The following PCDHGB2 variants were observed in gnomAD, a reference collection of about 807,000 sequenced individuals.
The protein encoded by PCDHGB2 is protocadherin gamma-B2.
Under a neutral mutation model 59.3 loss-of-function variants are expected in PCDHGB2, and 55 were observed. The ratio of observed to expected loss-of-function variants is 0.93; its 90% CI spans 0.75 to 1.16. The LOEUF (loss-of-function observed/expected upper bound fraction) is 1.16. Ranked by LOEUF, PCDHGB2 falls within the 50% of genes most tolerant of loss-of-function variation. The pLI is 0.00. For synonymous variants in PCDHGB2, 516 were observed against 512.0 expected (o/e 1.01, Z -0.11); for missense variants, 1,228 against 1,198.5 (o/e 1.02, Z -0.36).
chr5:141,430,992 A>G (rs1223969128), intron 1 of PCDHGB2: 2 of 1,613,824 alleles, frequency 1.2e-6, no homozygotes, highest in Admixed American at 3.3e-5. Context: ...TTCGCCCTGA[A>G]TCCGCGCAGC....
chr5:141,443,183 TTCTC>T (rs2098370937), intron 1 of PCDHGB2, among the ~76,000 whole-genome samples: 1 of 152,184 alleles, frequency 6.6e-6, no homozygotes, highest in Non-Finnish European at 1.5e-5. Context: ...CACTGCATCA[TTCTC>T]TATAGTACAA....
At chr5:141,373,959 T>A (rs1045656006) in intron 1 of PCDHGB2, 78 of 924,258 alleles carry the variant, frequency 8.4e-5, no homozygotes, top group Admixed American at 1.4e-4. Context: ...AATTCTGACC[T>A]GAAACGCTTC....
intron 1 of PCDHGB2, among the ~76,000 whole-genome samples, chr5:141,380,254 G>T (rs572849105): frequency 6.6e-6 from 1 of 152,270 alleles, no homozygotes; most frequent in Non-Finnish European, 1.5e-5. Flanking sequence ...TGTCAAAGGG[G>T]AAGGAGTAAA....
chr5:141,407,947 G>C (rs910743144), intron 1 of PCDHGB2: 7 of 561,352 alleles, frequency 1.2e-5, no homozygotes, highest in South Asian at 3.4e-5. Context: ...CGCCGCTGTC[G>C]GCCAGTGCAG....
chr5:141,467,095 C>G (rs930625426), intron 1 of PCDHGB2, among the ~76,000 whole-genome samples: 2 of 150,094 alleles, frequency 1.3e-5, no homozygotes, highest in African/African-American at 4.9e-5. Context: ...CTCTGTCACA[C>G]AGGCTGGAGT....
At position 141,476,499 on chromosome 5, in the gene PCDHGB2, T is replaced by A. The variant is rs763373223; in HGVS notation, c.2422-18308T>A. On this transcript the variant is annotated intron_variant, in intron 1 of 3. Coordinates refer to ENST00000522605, the MANE Select transcript of PCDHGB2 (RefSeq NM_018923.3). This position sits in a 1 kb window ranked among gnomAD's most constrained non-coding sequence, Gnocchi z 7.6. Reference sequence around the variant, plus strand: ...AGCGTGGAAGTGGTGATCCAGGACATCAACGACAACAATCCTGCTTTCCCT... The same window carrying A: ...AGCGTGGAAGTGGTGATCCAGGACAACAACGACAACAATCCTGCTTTCCCT... 3.1e-6 allele frequency: 5 copies of A among 1,613,992 alleles called. No individual in the cohort carries two copies. The South Asian group carries it at 5.5e-5, about 18-fold the overall frequency.
chr5:141,508,723 G>A (rs941469412), intron 3 of PCDHGB2, among the ~76,000 whole-genome samples: 2 of 151,814 alleles, frequency 1.3e-5, no homozygotes, highest in African/African-American at 4.8e-5. Context: ...TGTGTGCAGG[G>A]AGACTACACC....
Position 141,487,413 on chromosome 5 carries a change from A to G in PCDHGB2, c.2422-7394A>G, listed in dbSNP as rs1562119204. The G allele has an allele frequency of 1.2e-6, 2 of 1,614,172 alleles. No homozygotes were observed. The highest frequency in any genetic ancestry group is 2.2e-5 in the East Asian group (1 of 44,862). ...AGGAGGGAGGGGCTTCCCCCTTCCA[A>G]TGGGATCCTCCGAATCCAGCTAGGG... On this transcript the variant is annotated intron_variant, in intron 1 of 3. Coordinates refer to ENST00000522605, the MANE Select transcript of PCDHGB2 (RefSeq NM_018923.3). This position sits in a 1 kb window ranked among gnomAD's most constrained non-coding sequence, Gnocchi z 5.0.
intron 1 of PCDHGB2, chr5:141,384,146 C>T (rs369384722): frequency 6.2e-7 from 1 of 1,613,048 alleles, no homozygotes; most frequent in African/African-American, 1.3e-5. Context: ...GAAACACTCT[C>T]TTTGTATAAC....
At chr5:141,433,261 A>G (rs761584659) in intron 1 of PCDHGB2, 4 of 1,344,710 alleles carry the variant, frequency 3.0e-6, no homozygotes, top group Non-Finnish European at 4.1e-6. Context: ...CGGTACGATC[A>G]TAGCTCACTG....
rs1248983040 is a variant in PCDHGB2, at chr5:141,476,937, G to T, written c.2422-17870G>T. 3.1e-6 allele frequency: 5 copies of T among 1,614,186 alleles called. No homozygotes were observed. Among genetic ancestry groups the T allele is most frequent in the Non-Finnish European group, 4.2e-6 (5 of 1,180,050 alleles). The stretch of plus-strand genomic sequence containing the variant: ...GTCCTTGCAACGGATCTGGATGAAG[G>T]CCCCAACGGTGAAATTATTTACTCC... On this transcript the variant is annotated intron_variant, in intron 1 of 3. Coordinates refer to ENST00000522605, the MANE Select transcript of PCDHGB2 (RefSeq NM_018923.3). This position sits in a 1 kb window ranked among gnomAD's most constrained non-coding sequence, Gnocchi z 7.6.
At chr5:141,456,020 C>A (rs2098840631) in intron 1 of PCDHGB2, among the ~76,000 whole-genome samples, 2 of 151,952 alleles carry the variant, frequency 1.3e-5, no homozygotes, top group South Asian at 4.2e-4. Flanking sequence ...GCCTCAGCCT[C>A]CCGAGTAGCT....
At chr5:141,416,400 C>CT (rs1028319330) in intron 1 of PCDHGB2, 1 of 152,036 alleles carries the variant, frequency 6.6e-6, no homozygotes, top group African/African-American at 2.4e-5. Flanking sequence ...CTGCTTTTGT[C>CT]TTTTTTGTTA....
At chr5:141,366,868 T>C in intron 1 of PCDHGB2, 1 of 1,409,530 alleles carries the variant, frequency 7.1e-7, no homozygotes, top group Non-Finnish European at 9.5e-7. Flanking sequence ...ATTTGCTGTA[T>C]TGGAGATTAA....
At chr5:141,364,618 C>T (rs373148081) in intron 1 of PCDHGB2, 2 of 1,614,140 alleles carry the variant, frequency 1.2e-6, no homozygotes, top group African/African-American at 2.7e-5. Flanking sequence ...AGGAGCTCTG[C>T]GCTCAGAGCC....
rs763187246 is a variant in PCDHGB2 at position 141,477,168 on chromosome 5, A to G, written c.2422-17639A>G. ...GTGGATGTGAATGACAACGCCCCGGAGATCACAGTCACCTCCGTGTACAGC... is the reference window on the plus strand; with the variant it reads ...GTGGATGTGAATGACAACGCCCCGGGGATCACAGTCACCTCCGTGTACAGC... On this transcript the variant is annotated intron_variant, in intron 1 of 3. Transcript: ENST00000522605. The surrounding 1 kb of genome is among the most constrained non-coding windows in gnomAD (Gnocchi z 4.9). The G allele has an allele frequency of 6.2e-7, 1 of 1,614,210 alleles. No homozygotes were observed. Among genetic ancestry groups the G allele is most frequent in the Non-Finnish European group, 8.5e-7 (1 of 1,180,040 alleles).
At chr5:141,422,683 G>A in intron 1 of PCDHGB2, 1 of 1,605,286 alleles carries the variant, frequency 6.2e-7, no homozygotes, top group Non-Finnish European at 8.5e-7. Flanking sequence ...CAAACAGAAT[G>A]CCCTGGTCAC....
chr5:141,451,212 G>A (rs2098710632), intron 1 of PCDHGB2, among the ~76,000 whole-genome samples: 1 of 152,156 alleles, frequency 6.6e-6, no homozygotes, highest in Non-Finnish European at 1.5e-5. Context: ...AAACTTAGTG[G>A]CTTAAAAGAA....
At position 141,383,558 on chromosome 5, in the gene PCDHGB2, C is replaced by T. The variant is rs374657057; in HGVS notation, c.2421+21002C>T. Reference sequence around the variant, plus strand: ...CTCACAGCCTCTGATGGCGGCGACCCGCCCCGATCCAGCACCGCCCACATC... The same window carrying T: ...CTCACAGCCTCTGATGGCGGCGACCTGCCCCGATCCAGCACCGCCCACATC... On this transcript the variant is annotated intron_variant, in intron 1 of 3. Coordinates refer to ENST00000522605, the MANE Select transcript of PCDHGB2 (RefSeq NM_018923.3). 17 of 1,612,704 alleles carry T rather than the reference C, an allele frequency of 1.1e-5. No homozygotes were observed. The African/African-American group carries it at 2.0e-4, about 19-fold the overall frequency.
Sources: gnomAD v4.1 joint callset for allele counts (sites outside exome capture counted in the v4.1 genomes callset) on GRCh38, gnomAD v4.1.1 for gene constraint, Gnocchi (gnomAD v3.1) non-coding constraint, MANE v1.5 for transcripts, NCBI Gene and HGNC (gene_info 2026-07-23, HGNC 2026-07-21) for gene names.